The following SH2D4A variants were observed in gnomAD, a reference collection of about 807,000 sequenced individuals.
The protein encoded by SH2D4A is SH2 domain-containing protein 4A.
A neutral mutation model predicts 64.7 loss-of-function variants in SH2D4A; 70 were observed. The observed-to-expected ratio is 1.08, with a 90% CI of 0.89 to 1.32. The LOEUF (loss-of-function observed/expected upper bound fraction) is 1.32. SH2D4A is among the 40% of genes most tolerant of loss of function. SH2D4A has a pLI of 0.00. For synonymous variants in SH2D4A, 268 were observed against 200.7 expected (o/e 1.34, Z -2.83); for missense variants, 706 against 540.1 (o/e 1.31, Z -3.04).
intron 8 of SH2D4A, among the ~76,000 whole-genome samples, chr8:19,378,374 A>ACT (rs1262030960): frequency 6.6e-6 from 1 of 151,846 alleles, no homozygotes; most frequent in East Asian, 1.9e-4. Flanking sequence ...AGACATGGAG[A>ACT]CTCTATTTAT....
At chr8:19,366,106 C>T (rs983778158) in intron 7 of SH2D4A, among the ~76,000 whole-genome samples, 4 of 152,064 alleles carry the variant, frequency 2.6e-5, no homozygotes, top group African/African-American at 7.2e-5. Context: ...TGGTCAATTA[C>T]AATACTAGTA....
At chr8:19,320,143 T>C (rs1023097882) in intron 2 of SH2D4A, among the ~76,000 whole-genome samples, 1 of 152,224 alleles carries the variant, frequency 6.6e-6, no homozygotes, top group African/African-American at 2.4e-5. Flanking sequence ...GATTTTTCTT[T>C]GAGGTATCTT....
intron 4 of SH2D4A, among the ~76,000 whole-genome samples, chr8:19,340,514 G>T (rs1563191838): frequency 6.6e-6 from 1 of 151,942 alleles, no homozygotes; most frequent in East Asian, 1.9e-4. Context: ...AGGTGATTCT[G>T]GTTGAGATGT....
At chr8:19,343,468 CT>C (rs1242954393) in intron 4 of SH2D4A, among the ~76,000 whole-genome samples, 3 of 151,870 alleles carry the variant, frequency 2.0e-5, no homozygotes, top group Non-Finnish European at 4.4e-5. Flanking sequence ...AAAAACTTGC[CT>C]TGTTTATCTC....
intron 4 of SH2D4A, among the ~76,000 whole-genome samples, chr8:19,349,429 A>G (rs1585168242): frequency 6.6e-6 from 1 of 152,266 alleles, no homozygotes; most frequent in Non-Finnish European, 1.5e-5. Context: ...TAGAAATTAG[A>G]AAAGAGAAAA....
intron 7 of SH2D4A, among the ~76,000 whole-genome samples, chr8:19,364,623 G>C (rs955427987): frequency 1.1e-4 from 16 of 151,676 alleles, no homozygotes; most frequent in African/African-American, 3.9e-4. Flanking sequence ...GAGCCAGTGA[G>C]GGGAGAAGAG....
intron 3 of SH2D4A, 25 bp from the exon 4 acceptor site, chr8:19,334,660 AG>A: frequency 6.4e-7 from 1 of 1,567,040 alleles, no homozygotes; most frequent in Non-Finnish European, 8.6e-7. Flanking sequence ...ATGTTTTTTG[AG>A]AATTTCACTT....
chr8:19,366,520 G>A (rs1359867019), intron 7 of SH2D4A, among the ~76,000 whole-genome samples: 1 of 152,132 alleles, frequency 6.6e-6, no homozygotes, highest in Non-Finnish European at 1.5e-5. Context: ...AACCTGGCTG[G>A]GTGTGGTGGC....
chr8:19,395,725 C>G lies in SH2D4A; in HGVS notation c.*1083C>G, dbSNP rs1563219108. ...GCAGAGAGGCATGGGACAGGTTCCC[C>G]ACAAGCCTTAGAAGGAAGCATGGCC... On this transcript the variant is annotated 3_prime_UTR_variant, in exon 10 of 10. Transcript: ENST00000265807. 6.6e-6 allele frequency: 1 copy of G among 152,140 alleles called. No homozygotes were observed. The highest frequency in any genetic ancestry group is 1.5e-5 in the Non-Finnish European group (1 of 68,068). The allele number at this position is 152,140 out of a possible 1,614,324, so 9.4% of individuals were successfully genotyped here. A position where few individuals can be genotyped will look rare whatever the true frequency, so the allele number is the denominator to read the frequency against.
At chr8:19,355,626 T>A (rs1158303032) in intron 4 of SH2D4A, among the ~76,000 whole-genome samples, 1 of 152,256 alleles carries the variant, frequency 6.6e-6, no homozygotes, top group East Asian at 1.9e-4. Context: ...TGTCTGGTGC[T>A]GAGCAAGCTC....
intron 2 of SH2D4A, among the ~76,000 whole-genome samples, chr8:19,331,613 T>C (rs1327780435): frequency 6.6e-6 from 1 of 152,224 alleles, no homozygotes; most frequent in Non-Finnish European, 1.5e-5. Context: ...TACTACCTGG[T>C]TATATTATCT....
intron 4 of SH2D4A, among the ~76,000 whole-genome samples, chr8:19,336,295 A>C (rs1469441865): frequency 6.6e-6 from 1 of 152,200 alleles, no homozygotes; most frequent in Non-Finnish European, 1.5e-5. Flanking sequence ...TTGTGTCATT[A>C]ATATGAGGGC....
Position 19,394,797 on chromosome 8 carries a change from C to A in SH2D4A, c.*155C>A. On this transcript the variant is annotated 3_prime_UTR_variant, in exon 10 of 10. Coordinates refer to ENST00000265807, the MANE Select transcript of SH2D4A (RefSeq NM_022071.4). ...ATCCATGGAGTCCTCATTGACACCT[C>A]TTTTCTGCACAAATACTGGAATTCA... 2.3e-6 allele frequency: 1 copy of A among 432,998 alleles called. No individual in the cohort carries two copies. 26.8% of individuals were successfully genotyped at this position (432,998 alleles called of 1,614,324 possible). A position where few individuals can be genotyped will look rare whatever the true frequency, so the allele number is the denominator to read the frequency against.
At chr8:19,320,859 A>G (rs1294962239) in intron 2 of SH2D4A, among the ~76,000 whole-genome samples, 5 of 152,298 alleles carry the variant, frequency 3.3e-5, no homozygotes, top group South Asian at 2.1e-4. Context: ...AAACCAGGAA[A>G]ATAAAATTTT....
At chr8:19,360,006 A>C (rs1421284376) in intron 5 of SH2D4A, among the ~76,000 whole-genome samples, 2 of 152,142 alleles carry the variant, frequency 1.3e-5, no homozygotes, top group Non-Finnish European at 2.9e-5. Context: ...AGTCCACCAA[A>C]CTGTAAATTC....
At chr8:19,373,682 A>G (rs771668374) in intron 8 of SH2D4A, 22 bp downstream of exon 8, 23 of 1,611,154 alleles carry the variant, frequency 1.4e-5, no homozygotes, top group Admixed American at 1.7e-5. Flanking sequence ...GATTTCCTCA[A>G]TGGTGTTTCG....
At chr8:19,336,759 C>G (rs2052452283) in intron 4 of SH2D4A, among the ~76,000 whole-genome samples, 1 of 151,888 alleles carries the variant, frequency 6.6e-6, no homozygotes, top group East Asian at 1.9e-4. Context: ...CCTAGCAACT[C>G]AGGAGGCTGA....
At chr8:19,364,599 C>A (rs957298619) in intron 7 of SH2D4A, among the ~76,000 whole-genome samples, 4 of 152,018 alleles carry the variant, frequency 2.6e-5, no homozygotes, top group East Asian at 1.9e-4. Context: ...CCCTCCCCCC[C>A]AGAGGCAGCC....
chr8:19,324,102 G>A (rs1292286716), intron 2 of SH2D4A, among the ~76,000 whole-genome samples: 1 of 152,226 alleles, frequency 6.6e-6, no homozygotes, highest in Non-Finnish European at 1.5e-5. Flanking sequence ...GGCGCCTTGC[G>A]CACATCTAAA....
Sources: gnomAD v4.1 joint callset for allele counts (sites outside exome capture counted in the v4.1 genomes callset) on GRCh38, gnomAD v4.1.1 for gene constraint, MANE v1.5 for transcripts, NCBI Gene and HGNC (gene_info 2026-07-23, HGNC 2026-07-21) for gene names.